Variants in IL1RAPL1 observed in about 807,000 individuals in gnomAD.
The protein encoded by IL1RAPL1 is interleukin-1 receptor accessory protein-like 1.
A neutral mutation model predicts 48.4 loss-of-function variants in IL1RAPL1; 3 were observed. The ratio of observed to expected loss-of-function variants is 0.06; its 90% confidence interval spans 0.03 to 0.16. The LOEUF is 0.16. Among genes scored for constraint, IL1RAPL1 ranks in the 10% least tolerant of loss-of-function variants. IL1RAPL1 has a pLI of 1.00. For synonymous variants in IL1RAPL1, 185 were observed against 187.7 expected, an observed-to-expected ratio of 0.99 and a Z score of 0.12; for missense variants, 349 against 530.6, an observed-to-expected ratio of 0.66 and a Z score of 3.36.
intron 5 of IL1RAPL1, among the ~76,000 whole-genome samples, chrX:29,503,751 G>A: frequency 9.0e-6 from 1 of 110,713 alleles, no homozygotes; most frequent in Non-Finnish European, 1.9e-5. Flanking sequence ...CTGGGCTCAA[G>A]CAATCCTCTC....
At chrX:29,165,885 C>T (rs762464969) in intron 2 of IL1RAPL1, among the ~76,000 whole-genome samples, 18 of 111,852 alleles carry the variant, frequency 1.6e-4, no homozygotes, top group Non-Finnish European at 3.0e-4. Flanking sequence ...CTACTATATA[C>T]CTTGAATTTG....
Position 29,803,335 on chromosome X carries a change from ACATATGTATATATGTATAC to A in IL1RAPL1, c.779-114128_779-114110del, listed in dbSNP as rs1314346458. On this transcript the variant is annotated intron_variant, in intron 6 of 10. Transcript: ENST00000378993. ...CATGTATATATGTATACATGTATAC[ACATATGTATATATGTATAC>A]ATGTATACACATATGTATATATGTA... Among the ~76,000 whole-genome samples the A allele has an allele frequency of 8.8e-4, 59 of 66,922 alleles. 1 individual carries two copies. Among genetic ancestry groups the A allele is most frequent in the African/African-American group, 2.2e-3 (38 of 17,063 alleles). The allele number at this position is 66,922 out of a possible 115,157, so 58.1% of individuals were successfully genotyped here.
At chrX:29,934,494 T>C (rs1932997219) in intron 8 of IL1RAPL1, among the ~76,000 whole-genome samples, 1 of 112,420 alleles carries the variant, frequency 8.9e-6, no homozygotes. Flanking sequence ...TTGCAATTAT[T>C]ATCTTACAAT....
At chrX:29,879,614 G>C (rs1445328801) in intron 6 of IL1RAPL1, among the ~76,000 whole-genome samples, 1 of 109,423 alleles carries the variant, frequency 9.1e-6, no homozygotes, top group Admixed American at 9.9e-5. Flanking sequence ...TGTGTGGAGG[G>C]ACTTCAAAAT....
intron 1 of IL1RAPL1, among the ~76,000 whole-genome samples, chrX:28,682,752 TTTA>T (rs781195567): frequency 1.2e-4 from 13 of 112,295 alleles, no homozygotes; most frequent in Admixed American, 1.9e-4. Context: ...AATCACAAAT[TTTA>T]TTATTGATAT....
intron 6 of IL1RAPL1, among the ~76,000 whole-genome samples, chrX:29,838,634 T>C (rs1931067630): frequency 8.9e-6 from 1 of 112,105 alleles, no homozygotes; most frequent in Non-Finnish European, 1.9e-5. Context: ...TTCTTGTTTT[T>C]ACTTATGATA....
intron 6 of IL1RAPL1, among the ~76,000 whole-genome samples, chrX:29,842,440 A>G (rs1425783661): frequency 8.9e-6 from 1 of 112,183 alleles, no homozygotes; most frequent in Non-Finnish European, 1.9e-5. Flanking sequence ...ACCGTTCAAA[A>G]CATTTCATTC....
At chrX:28,925,954 T>C (rs1923732052) in intron 2 of IL1RAPL1, among the ~76,000 whole-genome samples, 1 of 111,840 alleles carries the variant, frequency 8.9e-6, no homozygotes, top group Admixed American at 9.4e-5. Context: ...AGGACGTCTG[T>C]TTTGCAGATA....
intron 2 of IL1RAPL1, among the ~76,000 whole-genome samples, chrX:28,940,497 G>A (rs1924138898): frequency 9.0e-6 from 1 of 110,806 alleles, no homozygotes; most frequent in Non-Finnish European, 1.9e-5. Flanking sequence ...TTTAGAATAT[G>A]ATCTTTTTGT....
chrX:28,907,675 T>G (rs1923254222), intron 2 of IL1RAPL1, among the ~76,000 whole-genome samples: 1 of 112,792 alleles, frequency 8.9e-6, no homozygotes, highest in Non-Finnish European at 1.9e-5. Flanking sequence ...ATTGAAGATT[T>G]ATGCATATAT....
chrX:28,962,898 G>A (rs1924822791), intron 2 of IL1RAPL1, among the ~76,000 whole-genome samples: 1 of 109,477 alleles, frequency 9.1e-6, no homozygotes, highest in Non-Finnish European at 1.9e-5. Flanking sequence ...GTGTGTGTGT[G>A]TGTGTGTGTG....
At chrX:29,942,454 A>C (rs1417100466) in intron 9 of IL1RAPL1, among the ~76,000 whole-genome samples, 1 of 111,728 alleles carries the variant, frequency 9.0e-6, no homozygotes, top group Non-Finnish European at 1.9e-5. Flanking sequence ...TATGTGTACA[A>C]TCTAAGAGGA....
chrX:29,240,204 ATATATATATATATATATATATTTTT>A (rs1569267319), intron 2 of IL1RAPL1, among the ~76,000 whole-genome samples: 46 of 14,115 alleles, frequency 3.3e-3, no homozygotes, highest in Admixed American at 8.7e-3. Flanking sequence ...ACATATATAT[ATATATATATATATATATATATTTTT>A]TTTTTTTTTT....
chrX:29,156,885 G>A (rs1929581146), intron 2 of IL1RAPL1, among the ~76,000 whole-genome samples: 1 of 111,549 alleles, frequency 9.0e-6, no homozygotes, highest in Non-Finnish European at 1.9e-5. Context: ...TTTTAACACA[G>A]GTCGAAGGGT....
At chrX:28,904,935 A>T (rs1332836462) in intron 2 of IL1RAPL1, among the ~76,000 whole-genome samples, 2 of 111,922 alleles carry the variant, frequency 1.8e-5, no homozygotes, top group East Asian at 5.6e-4. Flanking sequence ...TAGAGAATAA[A>T]AGCTTTTCTA....
intron 5 of IL1RAPL1, among the ~76,000 whole-genome samples, chrX:29,562,138 CT>C (rs1466598726): frequency 2.1e-5 from 2 of 96,601 alleles, no homozygotes; most frequent in Non-Finnish European, 4.1e-5. Context: ...ATCTATCTAT[CT>C]ATCTATCTAT....
At chrX:29,738,664 T>A (rs905736915) in intron 6 of IL1RAPL1, among the ~76,000 whole-genome samples, 2 of 110,558 alleles carry the variant, frequency 1.8e-5, no homozygotes, top group Non-Finnish European at 3.8e-5. Context: ...GGTCTCGAAC[T>A]CCTGGGCTTA....
chrX:29,507,857 A>G (rs1382575224), intron 5 of IL1RAPL1, among the ~76,000 whole-genome samples: 2 of 111,756 alleles, frequency 1.8e-5, no homozygotes, highest in African/African-American at 3.3e-5. Context: ...AGAAAAGTCT[A>G]TTGAAAATTG....
chrX:29,061,272 A>T (rs1183534183), intron 2 of IL1RAPL1, among the ~76,000 whole-genome samples: 2 of 111,956 alleles, frequency 1.8e-5, no homozygotes, highest in Non-Finnish European at 3.8e-5. Flanking sequence ...TTTACTAATC[A>T]ATTTGGAAAC....
Sources: allele counts gnomAD v4.1 joint callset (sites outside exome capture counted in the v4.1 genomes callset), GRCh38; gene constraint gnomAD v4.1.1; transcripts MANE v1.5; gene names NCBI Gene and HGNC (gene_info 2026-07-23, HGNC 2026-07-21).